The following BHLHE41 variants were observed in gnomAD, a reference collection of about 807,000 sequenced individuals.
BHLHE41 encodes the protein basic helix-loop-helix family member e41.
In BHLHE41, 14 loss-of-function variants were observed where a neutral mutation model predicts 24.0. The ratio of observed to expected loss-of-function variants is 0.58; its 90% CI spans 0.39 to 0.91. BHLHE41 has a LOEUF of 0.91. BHLHE41 is among the 40% of genes least tolerant of loss of function. The probability of loss-of-function intolerance (pLI) is 0.00; values close to 1 mark genes in which losing one functional copy is unlikely to be tolerated. For synonymous variants in BHLHE41, 394 were observed against 315.5 expected (o/e 1.25, Z -2.64); for missense variants, 674 against 655.4 (o/e 1.03, Z -0.31).
At position 26,120,577 on chromosome 12, in the gene BHLHE41, G is replaced by A. The variant is rs1022253958; in HGVS notation, c.*1489C>T. 6 of 152,560 alleles carry A rather than the reference G, an allele frequency of 3.9e-5. No homozygotes were observed. Among genetic ancestry groups the A allele is most frequent in the African/African-American group, 7.2e-5 (3 of 41,410 alleles). 9.5% of individuals were successfully genotyped at this position (152,560 alleles called of 1,614,324 possible). On this transcript the variant is annotated 3_prime_UTR_variant, in exon 5 of 5. Coordinates refer to ENST00000242728, the MANE Select transcript of BHLHE41 (RefSeq NM_030762.3). Reference sequence around the variant, plus strand: ...CACATATTTTCTCCCTACAAAAATAGCATGTCAGACATCATTAATTGGATG... The same window carrying A: ...CACATATTTTCTCCCTACAAAAATAACATGTCAGACATCATTAATTGGATG...
chr12:26,121,842 G>GTT lies in BHLHE41; in HGVS notation c.*222_*223dup. On this transcript the variant is annotated 3_prime_UTR_variant, in exon 5 of 5. Coordinates refer to ENST00000242728, the MANE Select transcript of BHLHE41 (RefSeq NM_030762.3). ...CAGCTGGTGGGGGGAAGAAAGGGATGTTAGTGTGTGGAGGGTGGGGTGGTG... is the reference window on the plus strand; with the variant it reads ...CAGCTGGTGGGGGGAAGAAAGGGATGTTTTAGTGTGTGGAGGGTGGGGTGGTG... 2 of 1,048,170 alleles carry GTT rather than the reference G, an allele frequency of 1.9e-6. No homozygotes were observed. The highest frequency in any genetic ancestry group is 3.1e-5 in the East Asian group (1 of 31,908). 64.9% of individuals were successfully genotyped at this position (1,048,170 alleles called of 1,614,324 possible).
chr12:26,122,625 G>A lies in BHLHE41; in HGVS notation c.890C>T (p.Ala297Val), dbSNP rs780862517. ...GGSGGGPGGG[A>V]AAAAAALLGP... ...CAGAAGCGCGGCTGCCGCCGCCGCC[G>A]CGCCGCCCCCCGGGCCGCCGCCGCT... Residue 297 changes from alanine (A) to valine (V), a missense_variant, in exon 5 of 5, where the codon GCG becomes GTG. Physicochemically the swap from Ala to Val is moderately conservative, Grantham distance 64. Around this residue, in one of 3 missense-constraint regions of BHLHE41, gnomAD observed 602 missense variants for 570.8 expected, o/e 1.05. Transcript: ENST00000242728. 5.0e-6 allele frequency: 6 copies of A among 1,192,696 alleles called. No individual in the cohort carries two copies. Among genetic ancestry groups the A allele is most frequent in the Non-Finnish European group, 5.2e-6 (5 of 964,332 alleles). 73.9% of individuals were successfully genotyped at this position (1,192,696 alleles called of 1,614,324 possible).
rs1591838245 is a variant in BHLHE41, at chr12:26,122,404, C to T, written c.1111G>A (p.Gly371Ser). 1 of 1,297,522 alleles carries T rather than the reference C, an allele frequency of 7.7e-7. No individual in the cohort carries two copies. Among genetic ancestry groups the T allele is most frequent in the Non-Finnish European group, 9.9e-7 (1 of 1,013,758 alleles). The allele number at this position is 1,297,522 out of a possible 1,614,324, so 80.4% of individuals were successfully genotyped here. A position where few individuals can be genotyped will look rare whatever the true frequency, so the allele number is the denominator to read the frequency against. Reference protein sequence around the residue: ...AYVQPFLDKSGLEKYLYPAAA... With the variant: ...AYVQPFLDKSSLEKYLYPAAA... ...GCCGGGTACAGATACTTCTCCAGGC[C>T]GCTCTTGTCCAGGAAGGGCTGCACG... Residue 371 changes from glycine to serine, a missense_variant, in exon 5 of 5, where the codon GGC becomes AGC. By Grantham distance (56) the Gly-to-Ser change is moderately conservative (BLOSUM62 0). Around this residue, in one of 3 missense-constraint regions of BHLHE41, gnomAD observed 602 missense variants for 570.8 expected, o/e 1.05. Transcript: ENST00000242728.
intron 2 of BHLHE41, 50 bp from the exon 3 acceptor site, chr12:26,124,229 A>G (rs1394557607): frequency 2.5e-6 from 3 of 1,223,318 alleles, no homozygotes; most frequent in Non-Finnish European, 3.6e-6. Context: ...CGAAACATTC[A>G]CTTATTGGAT....
Position 26,124,970 on chromosome 12 carries a change from GCA to G in BHLHE41, c.-193_-192del, listed in dbSNP as rs893391276. The G allele has an allele frequency of 9.5e-6, 6 of 634,096 alleles. No individual in the cohort carries two copies. The highest frequency in any genetic ancestry group is 7.2e-5 in the African/African-American group (4 of 55,628). 39.3% of individuals were successfully genotyped at this position (634,096 alleles called of 1,614,324 possible). ...CTCCACCGCGCTCGCACACACACAC[GCA>G]CACACACGCACACTCGCGCCGGCCC... On this transcript the variant is annotated 5_prime_UTR_variant, in exon 1 of 5. Transcript: ENST00000242728.
intron 4 of BHLHE41, 80 bp from the exon 5 acceptor site, chr12:26,123,248 A>T: frequency 6.8e-7 from 1 of 1,472,004 alleles, no homozygotes; most frequent in African/African-American, 1.4e-5. Flanking sequence ...ACATCTGCTT[A>T]TCACGTGGGC....
At chr12:26,123,298 T>A (rs1944331612) in intron 4 of BHLHE41, 130 bp from the exon 5 acceptor site, 1 of 1,258,978 alleles carries the variant, frequency 7.9e-7, no homozygotes, top group East Asian at 2.6e-5. Context: ...TCCCCAGTAT[T>A]CAAGTGATAT....
Position 26,121,944 on chromosome 12 carries a change from C to A in BHLHE41, c.*122G>T. On this transcript the variant is annotated 3_prime_UTR_variant, in exon 5 of 5. Transcript: ENST00000242728. ...GTTCTTGTTTATGCCTGTCGTGCAT[C>A]TATTACACTTCCTCCCTTAAAGACC... 6.5e-7 allele frequency: 1 copy of A among 1,536,442 alleles called. No homozygotes were observed.
In BHLHE41 at chr12:26,121,731, A is replaced by G; in HGVS notation, c.*335T>C. The G allele has an allele frequency of 3.1e-6, 1 of 324,292 alleles. No individual in the cohort carries two copies. Among genetic ancestry groups the G allele is most frequent in the Non-Finnish European group, 5.8e-6 (1 of 172,152 alleles). The allele number at this position is 324,292 out of a possible 1,614,324, so 20.1% of individuals were successfully genotyped here. On this transcript the variant is annotated 3_prime_UTR_variant, in exon 5 of 5. Transcript: ENST00000242728. The stretch of plus-strand genomic sequence containing the variant: ...TCTCGAATTAGGTTCCAATTTTAAG[A>G]GATAATGGAACATGGCCTAAAAGGG...
rs1565664677 is a variant in BHLHE41 at position 26,122,650 on chromosome 12, TGCCGCCGCCGCG to T, written c.853_864del (p.Arg285_Gly288del). The T allele has an allele frequency of 7.4e-7, 1 of 1,346,690 alleles. No homozygotes were observed. The highest frequency in any genetic ancestry group is 9.6e-7 in the Non-Finnish European group (1 of 1,042,252). The allele number at this position is 1,346,690 out of a possible 1,614,324, so 83.4% of individuals were successfully genotyped here. On this transcript the variant is annotated inframe_deletion, in exon 5 of 5. Transcript: ENST00000242728. ...GCGCCGCCCCCCGGGCCGCCGCCGC[TGCCGCCGCCGCG>T]GGAATCCAGCTTCATCCTCTTGGGC...
rs779616171 is a variant in BHLHE41 at position 26,123,765 on chromosome 12, G to C, written c.235-24C>G. On this transcript the variant is annotated intron_variant, in intron 3 of 4. Coordinates refer to ENST00000242728, the MANE Select transcript of BHLHE41 (RefSeq NM_030762.3). ...GTCTGCAGTGGTGCAAAAAAGAAAC[G>C]GGCACTTGGTTACTTAAAAACACAC... 11 of 1,495,208 alleles carry C rather than the reference G, an allele frequency of 7.4e-6. No homozygotes were observed. In the East Asian group the frequency reaches 2.0e-4, roughly 28 times the overall value. 92.6% of individuals were successfully genotyped at this position (1,495,208 alleles called of 1,614,324 possible).
In BHLHE41 at chr12:26,122,385, T is replaced by C; in HGVS notation, c.1130A>G (p.Tyr377Cys). Residue 377 changes from tyrosine to cysteine, a missense_variant, in exon 5 of 5, where the codon TAC becomes TGC. By Grantham distance (194) the Tyr-to-Cys change is radical (BLOSUM62 -2). Coordinates refer to ENST00000242728, the MANE Select transcript of BHLHE41 (RefSeq NM_030762.3). ...LDKSGLEKYL[Y>C]PAAAAAPFPL... Reference sequence around the variant, plus strand: ...GAACGGGGCGGCAGCCGCCGCCGGGTACAGATACTTCTCCAGGCCGCTCTT... The same window carrying C: ...GAACGGGGCGGCAGCCGCCGCCGGGCACAGATACTTCTCCAGGCCGCTCTT... 1.7e-6 allele frequency: 2 copies of C among 1,198,996 alleles called. No individual in the cohort carries two copies. The highest frequency in any genetic ancestry group is 3.2e-4 in the Middle Eastern group (1 of 3,164). 74.3% of individuals were successfully genotyped at this position (1,198,996 alleles called of 1,614,324 possible).
Position 26,122,828 on chromosome 12 carries a change from C to T in BHLHE41, c.687G>A (p.Glu229=), listed in dbSNP as rs1397683588. The change falls in exon 5 of 5, where the codon GAG becomes GAA. Residue 229 remains glutamate (E), a synonymous_variant. Transcript: ENST00000242728. ...TGTCCGTGTCGTTCTCGGCGGCGAG[C>T]TCGGCGCTGGGCTGAGTCCGCTGGA... ...PVIQRTQPSA[E]LAAENDTDTD... 3.8e-6 allele frequency: 6 copies of T among 1,584,048 alleles called. No homozygotes were observed. The highest frequency in any genetic ancestry group is 2.7e-5 in the African/African-American group (2 of 73,938).
chr12:26,124,426 G>A, intron 2 of BHLHE41, 93 bp downstream of exon 2: 1 of 1,383,344 alleles, frequency 7.2e-7, no homozygotes, highest in Non-Finnish European at 1.0e-6. Context: ...TCAGGGGCTG[G>A]AATATATTTG....
chr12:26,122,842 G>C lies in BHLHE41; in HGVS notation c.673C>G (p.Gln225Glu). ...TCGGCGGCGAGCTCGGCGCTGGGCT[G>C]AGTCCGCTGGATGACGGGCACGCAG... ...AYCVPVIQRTQPSAELAAEND... is the reference protein window; with the variant it reads ...AYCVPVIQRTEPSAELAAEND... The change falls in exon 5 of 5, where the codon CAG (glutamine) becomes GAG (glutamate). Residue 225 changes from glutamine to glutamate, a missense_variant. Around this residue, in one of 3 missense-constraint regions of BHLHE41, gnomAD observed 602 missense variants for 570.8 expected, o/e 1.05. Transcript: ENST00000242728. The C allele has an allele frequency of 6.3e-7, 1 of 1,576,964 alleles. No individual in the cohort carries two copies. Among genetic ancestry groups the C allele is most frequent in the African/African-American group, 1.3e-5 (1 of 74,182 alleles).
At position 26,121,914 on chromosome 12, in the gene BHLHE41, T is replaced by A. The variant is rs1333747137; in HGVS notation, c.*152A>T. ...TCCGAATGTACACATAACACCTGTT[T>A]TGTTGTTCTTGTTTATGCCTGTCGT... is the stretch of plus-strand genomic sequence containing the variant. On this transcript the variant is annotated 3_prime_UTR_variant, in exon 5 of 5. Coordinates refer to ENST00000242728, the MANE Select transcript of BHLHE41 (RefSeq NM_030762.3). 2 of 1,522,928 alleles carry A rather than the reference T, an allele frequency of 1.3e-6. No individual in the cohort carries two copies. Among genetic ancestry groups the A allele is most frequent in the African/African-American group, 2.8e-5 (2 of 72,154 alleles). 94.3% of individuals were successfully genotyped at this position (1,522,928 alleles called of 1,614,324 possible). A position where few individuals can be genotyped will look rare whatever the true frequency, so the allele number is the denominator to read the frequency against.
chr12:26,122,911 G>GGGCGGCCGCGGACCC lies in BHLHE41; in HGVS notation c.589_603dup (p.Gly197_Ala201dup). 1 of 1,549,112 alleles carries GGGCGGCCGCGGACCC rather than the reference G, an allele frequency of 6.5e-7. No individual in the cohort carries two copies. Among genetic ancestry groups the GGGCGGCCGCGGACCC allele is most frequent in the African/African-American group, 1.4e-5 (1 of 73,016 alleles). On this transcript the variant is annotated inframe_insertion, in exon 5 of 5. Transcript: ENST00000242728. ...TTCTGCCCCGCGCGCTCCAGGCAGG[G>GGGCGGCCGCGGACCC]GGCGGCCGCGGACCCGGCGGCCGAG...
At position 26,123,125 on chromosome 12, in the gene BHLHE41, C is replaced by T. The variant is rs369764189; in HGVS notation, c.390G>A (p.Ala130=). The T allele has an allele frequency of 1.2e-6, 2 of 1,609,426 alleles. No individual in the cohort carries two copies. The highest frequency in any genetic ancestry group is 1.7e-5 in the Admixed American group (1 of 59,636). The change falls in exon 5 of 5, where the codon GCG becomes GCA. Residue 130 remains alanine, a synonymous_variant. Transcript: ENST00000242728. ...CGCATGTTTGAAATCCCGAGTGGAA[C>T]GCATCCAAGTCGGACTGAATGGGCG... is the stretch of plus-strand genomic sequence containing the variant. ...LKSPIQSDLD[A]FHSGFQTCAK...
Position 26,122,589 on chromosome 12 carries a change from G to A in BHLHE41, c.926C>T (p.Pro309Leu). The change falls in exon 5 of 5, where the codon CCT (proline) becomes CTT (leucine). Residue 309 changes from proline (P) to leucine (L), a missense_variant. Transcript: ENST00000242728. ...AAAAALLGPD[P>L]AAAAALLRPD... Reference sequence around the variant, plus strand: ...TCTCAGCAGCGCGGCCGCGGCGGCAGGGTCGGGCCCCAGAAGCGCGGCTGC... The same window carrying A: ...TCTCAGCAGCGCGGCCGCGGCGGCAAGGTCGGGCCCCAGAAGCGCGGCTGC... The A allele has an allele frequency of 9.0e-7, 1 of 1,110,968 alleles. No individual in the cohort carries two copies. The highest frequency in any genetic ancestry group is 1.1e-6 in the Non-Finnish European group (1 of 912,970). The allele number at this position is 1,110,968 out of a possible 1,614,324, so 68.8% of individuals were successfully genotyped here. A position where few individuals can be genotyped will look rare whatever the true frequency, so the allele number is the denominator to read the frequency against.
Sources: allele counts gnomAD v4.1 joint callset, GRCh38; gene constraint gnomAD v4.1.1; regional missense constraint gnomAD v4.1.1; transcripts MANE v1.5; gene names NCBI Gene and HGNC (gene_info 2026-07-23, HGNC 2026-07-21).